PTPRG: variants seen among roughly 807,000 people sequenced by gnomAD.
The protein encoded by PTPRG is receptor-type tyrosine-protein phosphatase gamma.
Under a neutral mutation model 165.3 loss-of-function variants are expected in PTPRG, and 102 were observed. That is an observed-to-expected ratio of 0.62 (90% CI 0.53 to 0.73). The LOEUF (loss-of-function observed/expected upper bound fraction) is 0.73, where lower values mean the gene tolerates loss of function less well. PTPRG is among the 30% of genes least tolerant of loss of function. The pLI is 0.00. For synonymous variants in PTPRG, 675 were observed against 669.5 expected, an observed-to-expected ratio of 1.01 and a Z score of -0.13; for missense variants, 1,866 against 1,861.4, an observed-to-expected ratio of 1.00 and a Z score of -0.05.
intron 2 of PTPRG, among the ~76,000 whole-genome samples, chr3:61,988,875 A>G (rs1472256919): frequency 6.6e-6 from 1 of 152,168 alleles, no homozygotes; most frequent in African/African-American, 2.4e-5. Flanking sequence ...TGTTTTCTGT[A>G]TTTATACCTG....
intron 5 of PTPRG, among the ~76,000 whole-genome samples, chr3:62,113,889 T>C (rs1047521250): frequency 6.6e-6 from 1 of 152,228 alleles, no homozygotes; most frequent in Admixed American, 6.5e-5. Context: ...GGTAGCTATT[T>C]ATGGATTTAT....
chr3:61,567,007 T>G (rs1699929256), intron 1 of PTPRG, among the ~76,000 whole-genome samples: 1 of 152,180 alleles, frequency 6.6e-6, no homozygotes. Flanking sequence ...AACCCGGAGC[T>G]TATGGGAAAA....
rs757443705 is a variant in PTPRG at position 61,688,165 on chromosome 3, GAGAC to G, written c.86-60709_86-60706del. On this transcript the variant is annotated intron_variant, in intron 1 of 29. Coordinates refer to ENST00000474889, the MANE Select transcript of PTPRG (RefSeq NM_002841.4). ...CTGTCCTGTCACTCTTCGACAGAGAGAGACAGAGAGACATTTCCTGGACTAATCC... is the reference window on the plus strand; with the variant it reads ...CTGTCCTGTCACTCTTCGACAGAGAGAGAGAGACATTTCCTGGACTAATCC... 1.6e-4 allele frequency among the ~76,000 whole-genome samples: 24 copies of G among 152,316 alleles called. 1 individual carries two copies. The East Asian group carries it at 4.1e-3, about 26-fold the overall frequency.
At chr3:61,851,371 CAA>C (rs1458533957) in intron 2 of PTPRG, among the ~76,000 whole-genome samples, 1 of 152,072 alleles carries the variant, frequency 6.6e-6, no homozygotes, top group Non-Finnish European at 1.5e-5. Context: ...AATGGTTCCT[CAA>C]GAGAGGATCT....
intron 5 of PTPRG, among the ~76,000 whole-genome samples, chr3:62,107,117 C>T (rs547056974): frequency 2.8e-4 from 42 of 152,262 alleles, no homozygotes; most frequent in Admixed American, 1.2e-3. Context: ...GAAATAGAAA[C>T]GACAGTCATA....
At chr3:61,725,222 CA>C (rs2032207766) in intron 1 of PTPRG, among the ~76,000 whole-genome samples, 1 of 151,996 alleles carries the variant, frequency 6.6e-6, no homozygotes, top group Non-Finnish European at 1.5e-5. Flanking sequence ...GGCTGGAGTA[CA>C]GTGGCGTGAT....
chr3:61,712,627 C>T (rs559069358), intron 1 of PTPRG, among the ~76,000 whole-genome samples: 3 of 152,228 alleles, frequency 2.0e-5, no homozygotes, highest in Non-Finnish European at 2.9e-5. Flanking sequence ...TGCCTGCTTC[C>T]CCTTCACCTT....
chr3:62,030,543 A>G (rs1391737424), intron 4 of PTPRG, among the ~76,000 whole-genome samples: 1 of 152,264 alleles, frequency 6.6e-6, no homozygotes, highest in South Asian at 2.1e-4. Context: ...GATTATTGGT[A>G]AAGGGAATTA....
At chr3:61,575,726 A>G (rs1240066310) in intron 1 of PTPRG, among the ~76,000 whole-genome samples, 1 of 150,548 alleles carries the variant, frequency 6.6e-6, no homozygotes, top group Non-Finnish European at 1.5e-5. Flanking sequence ...CAGCCTCCTG[A>G]GTAGCTGGAA....
chr3:61,909,558 C>G (rs1448468783), intron 2 of PTPRG, among the ~76,000 whole-genome samples: 1 of 151,992 alleles, frequency 6.6e-6, no homozygotes, highest in Non-Finnish European at 1.5e-5. Flanking sequence ...ACTGTGTTTC[C>G]TAGGCTCGTC....
rs1422762491 is a variant in PTPRG, at chr3:61,925,705, TG to T, written c.191-63919del. 4.0e-5 allele frequency among the ~76,000 whole-genome samples: 6 copies of T among 151,690 alleles called. No homozygotes were observed. The East Asian group carries it at 9.7e-4, about 25-fold the overall frequency. ...TTGCAGTGAGCCAAGACTGTGCCAC[TG>T]CCTTCCAGCCTGGGTGACAGAATGA... On this transcript the variant is annotated intron_variant, in intron 2 of 29. Coordinates refer to ENST00000474889, the MANE Select transcript of PTPRG (RefSeq NM_002841.4).
At chr3:61,784,505 T>G (rs1341894476) in intron 2 of PTPRG, among the ~76,000 whole-genome samples, 1 of 152,166 alleles carries the variant, frequency 6.6e-6, no homozygotes, top group East Asian at 1.9e-4. Context: ...GAGTACGGAC[T>G]GTGGTTGAGG....
At chr3:62,292,362 T>A in intron 28 of PTPRG, 59 bp from the exon 29 acceptor site, 2 of 1,528,280 alleles carry the variant, frequency 1.3e-6, no homozygotes, top group Non-Finnish European at 1.8e-6. Flanking sequence ...GTAATTTCAT[T>A]TCAATATATT....
chr3:61,936,081 C>T (rs1003737473), intron 2 of PTPRG, among the ~76,000 whole-genome samples: 2 of 152,172 alleles, frequency 1.3e-5, no homozygotes, highest in Admixed American at 6.5e-5. Flanking sequence ...AAACAGCGTT[C>T]CTCTTCTCTG....
At chr3:61,651,484 G>A (rs1271131929) in intron 1 of PTPRG, among the ~76,000 whole-genome samples, 1 of 151,980 alleles carries the variant, frequency 6.6e-6, no homozygotes, top group African/African-American at 2.4e-5. Context: ...GCCTGATGAA[G>A]CCTTAGGGCT....
rs749817659 is a variant in PTPRG at position 61,752,785 on chromosome 3, C to CAAAAAAAAAAAAA, written c.190+3807_190+3819dup. 6.7e-4 allele frequency among the ~76,000 whole-genome samples: 47 copies of CAAAAAAAAAAAAA among 69,952 alleles called. 1 individual carries two copies. Among genetic ancestry groups the CAAAAAAAAAAAAA allele is most frequent in the East Asian group, 1.5e-3 (3 of 1,944 alleles). The allele number at this position is 69,952 out of a possible 152,430, so 45.9% of individuals were successfully genotyped here. Reference sequence around the variant, plus strand: ...CCTGGGTGATAGAGCAAGACTGTCTCAAAAAAAAAAAAAAAAGAAAAAAAA... The same window carrying CAAAAAAAAAAAAA: ...CCTGGGTGATAGAGCAAGACTGTCTCAAAAAAAAAAAAAAAAAAAAAAAAAAAAAGAAAAAAAA... On this transcript the variant is annotated intron_variant, in intron 2 of 29. Coordinates refer to ENST00000474889, the MANE Select transcript of PTPRG (RefSeq NM_002841.4).
intron 2 of PTPRG, among the ~76,000 whole-genome samples, chr3:61,831,054 A>G (rs954528052): frequency 6.6e-6 from 1 of 152,308 alleles, no homozygotes; most frequent in Non-Finnish European, 1.5e-5. Context: ...GATATTCTCA[A>G]GTTTTTGAGG....
chr3:62,050,842 C>T (rs1174214795), intron 4 of PTPRG, among the ~76,000 whole-genome samples: 1 of 152,178 alleles, frequency 6.6e-6, no homozygotes, highest in East Asian at 1.9e-4. Flanking sequence ...CATAAAACAG[C>T]TCCATCCTAC....
intron 2 of PTPRG, among the ~76,000 whole-genome samples, chr3:61,755,094 G>A (rs2033589344): frequency 6.6e-6 from 1 of 151,474 alleles, no homozygotes; most frequent in Non-Finnish European, 1.5e-5. Flanking sequence ...TGCAACCTCC[G>A]CCTCCTGGGT....
Sources: allele counts gnomAD v4.1 joint callset (sites outside exome capture counted in the v4.1 genomes callset), GRCh38; gene constraint gnomAD v4.1.1; transcripts MANE v1.5; gene names NCBI Gene and HGNC (gene_info 2026-07-23, HGNC 2026-07-21).